Variants in MID1 observed in about 807,000 individuals in gnomAD.
MID1 encodes E3 ubiquitin-protein ligase Midline-1.
Under a neutral mutation model 40.4 loss-of-function variants are expected in MID1, and 7 were observed. That is an observed-to-expected ratio of 0.17 (90% CI 0.10 to 0.33). The LOEUF (loss-of-function observed/expected upper bound fraction) is 0.33. Ranked by LOEUF, MID1 falls within the 10% of genes least tolerant of loss-of-function variation. The pLI, the probability that MID1 is intolerant of heterozygous loss-of-function variation, is 1.00. For synonymous variants in MID1, 229 were observed against 221.2 expected (o/e 1.04, Z -0.31); for missense variants, 367 against 558.5 (o/e 0.66, Z 3.46).
intron 1 of MID1, among the ~76,000 whole-genome samples, chrX:10,738,949 CAA>C (rs377057937): frequency 0.057 from 3,757 of 65,702 alleles, 148 homozygotes; most frequent in African/African-American, 0.17. Flanking sequence ...CTACTAAAGG[CAA>C]AAAAAAAAAA....
intron 1 of MID1, among the ~76,000 whole-genome samples, chrX:10,798,850 C>G (rs1311516227): frequency 4.5e-5 from 5 of 111,903 alleles, no homozygotes; most frequent in African/African-American, 9.7e-5. Flanking sequence ...TAGATGACAG[C>G]TATCCATTTT....
intron 1 of MID1, among the ~76,000 whole-genome samples, chrX:10,578,662 A>G (rs989123741): frequency 2.7e-5 from 3 of 112,262 alleles, no homozygotes; most frequent in African/African-American, 6.5e-5. Context: ...TCTATGCTGT[A>G]CTGGGTATCA....
At position 10,461,138 on chromosome X, in the gene MID1, T is replaced by TACACACACACACAC. The variant is rs200040870; in HGVS notation, c.1286-1345_1286-1332dup. Among the ~76,000 whole-genome samples, 629 of 96,710 alleles carry TACACACACACACAC rather than the reference T, an allele frequency of 6.5e-3. 7 individuals carry two copies. Among genetic ancestry groups the TACACACACACACAC allele is most frequent in the African/African-American group, 0.024 (603 of 25,519 alleles). The allele number at this position is 96,710 out of a possible 115,157, so 84.0% of individuals were successfully genotyped here. A position where few individuals can be genotyped will look rare whatever the true frequency, so the allele number is the denominator to read the frequency against. On this transcript the variant is annotated intron_variant, in intron 7 of 9. Transcript: ENST00000317552. ...TATATCATCTAAAGATATCTAAAGATACACACACACACACACACACACACA... is the reference window on the plus strand; with the variant it reads ...TATATCATCTAAAGATATCTAAAGATACACACACACACACACACACACACACACACACACACACA...
intron 1 of MID1, among the ~76,000 whole-genome samples, chrX:10,581,078 A>T (rs1935006422): frequency 9.0e-6 from 1 of 110,673 alleles, no homozygotes; most frequent in Non-Finnish European, 1.9e-5. Flanking sequence ...GTGAAACCTC[A>T]TCTCTACTAA....
chrX:10,457,217 C>T (rs1160622491), intron 8 of MID1, among the ~76,000 whole-genome samples: 2 of 111,650 alleles, frequency 1.8e-5, no homozygotes, highest in Non-Finnish European at 3.8e-5. Context: ...TGAGATATAT[C>T]AGAATGTCAG....
intron 1 of MID1, among the ~76,000 whole-genome samples, chrX:10,728,942 A>G (rs1263977110): frequency 3.6e-5 from 4 of 111,998 alleles, no homozygotes; most frequent in Non-Finnish European, 7.5e-5. Flanking sequence ...TAATTCAGCA[A>G]TAACTGGGCT....
intron 1 of MID1, among the ~76,000 whole-genome samples, chrX:10,640,224 T>C (rs1424717242): frequency 9.0e-6 from 1 of 111,518 alleles, no homozygotes; most frequent in Admixed American, 9.5e-5. Flanking sequence ...GACTGGCAAA[T>C]TGGATAAAGA....
chrX:10,694,475 C>T (rs1274463158), intron 1 of MID1, among the ~76,000 whole-genome samples: 1 of 111,935 alleles, frequency 8.9e-6, no homozygotes, highest in East Asian at 2.8e-4. Flanking sequence ...TCTGTTTTGT[C>T]AGTTTAAATT....
intron 7 of MID1, 86 bp from the exon 8 acceptor site, chrX:10,459,893 T>C (rs1928924469): frequency 1.0e-6 from 1 of 995,157 alleles, no homozygotes; most frequent in Non-Finnish European, 1.4e-6. Flanking sequence ...TTTCCATTTA[T>C]TTGAATAGAG....
At chrX:10,454,261 C>G (rs1449290378) in intron 9 of MID1, among the ~76,000 whole-genome samples, 1 of 111,674 alleles carries the variant, frequency 9.0e-6, no homozygotes, top group Non-Finnish European at 1.9e-5. Context: ...CAACCCTTAG[C>G]TATTTGCACT....
intron 3 of MID1, chrX:10,501,448 T>A (rs1359821419): frequency 3.5e-6 from 4 of 1,153,641 alleles, no homozygotes; most frequent in Non-Finnish European, 4.6e-6. Context: ...CGTCTTGAAA[T>A]GCATCTTCTC....
intron 1 of MID1, among the ~76,000 whole-genome samples, chrX:10,592,197 G>C (rs1194032801): frequency 2.3e-5 from 2 of 85,707 alleles, no homozygotes; most frequent in Non-Finnish European, 4.3e-5. Context: ...ATTAAAAAAA[G>C]TTCCTCAAAA....
At chrX:10,528,784 A>T (rs1047652052) in intron 2 of MID1, among the ~76,000 whole-genome samples, 2 of 112,450 alleles carry the variant, frequency 1.8e-5, no homozygotes, top group African/African-American at 6.5e-5. Flanking sequence ...GATGCCACTC[A>T]ATGAACCTCT....
At position 10,449,365 on chromosome X, in the gene MID1, C is replaced by A; in HGVS notation, c.*3G>T. On this transcript the variant is annotated 3_prime_UTR_variant, in exon 10 of 10. Coordinates refer to ENST00000317552, the MANE Select transcript of MID1 (RefSeq NM_000381.4). ...CAGAAAGCAGCTCCATGTGGCCAGA[C>A]GCTCACGGCAGCTGCTCTGTGCAGT... 2.5e-6 allele frequency: 3 copies of A among 1,204,071 alleles called. No homozygotes were observed. Among genetic ancestry groups the A allele is most frequent in the Non-Finnish European group, 3.4e-6 (3 of 889,254 alleles).
intron 1 of MID1, among the ~76,000 whole-genome samples, chrX:10,775,898 G>A (rs1227510065): frequency 9.0e-6 from 1 of 111,641 alleles, no homozygotes; most frequent in Non-Finnish European, 1.9e-5. Context: ...AACAGCTCCT[G>A]CCAGGTAGAT....
intron 1 of MID1, among the ~76,000 whole-genome samples, chrX:10,592,990 AC>A (rs1935340352): frequency 1.8e-5 from 2 of 112,198 alleles, no homozygotes; most frequent in African/African-American, 6.5e-5. Context: ...AATAGAGATG[AC>A]GTAGGAGATT....
chrX:10,509,380 C>A (rs781300909), intron 3 of MID1, among the ~76,000 whole-genome samples: 1 of 111,536 alleles, frequency 9.0e-6, no homozygotes, highest in African/African-American at 3.3e-5. Context: ...TTTTCCCAAG[C>A]CTGATTCAAA....
chrX:10,584,731 AT>A (rs1935098622), intron 1 of MID1, among the ~76,000 whole-genome samples: 1 of 112,441 alleles, frequency 8.9e-6, no homozygotes, highest in African/African-American at 3.2e-5. Context: ...CTGAATCATG[AT>A]TTTTTAGAGC....
intron 3 of MID1, among the ~76,000 whole-genome samples, chrX:10,514,061 A>T (rs970840045): frequency 9.0e-6 from 1 of 111,717 alleles, no homozygotes; most frequent in Non-Finnish European, 1.9e-5. Context: ...TGGGCCTCCA[A>T]TTAAGGCCTA....
Sources: allele counts gnomAD v4.1 joint callset (sites outside exome capture counted in the v4.1 genomes callset), GRCh38; gene constraint gnomAD v4.1.1; transcripts MANE v1.5; gene names NCBI Gene and HGNC (gene_info 2026-07-23, HGNC 2026-07-21).